The following NEGR1 variants were observed in gnomAD, a reference collection of about 807,000 sequenced individuals.
The protein encoded by NEGR1 is IgLON family member 4.
NEGR1 carries 10 observed loss-of-function variants against 40.9 expected under a neutral mutation model. That is an observed-to-expected ratio of 0.24 (90% CI 0.15 to 0.42). The LOEUF (loss-of-function observed/expected upper bound fraction) is 0.42. NEGR1 is among the 10% of genes least tolerant of loss of function. The probability of loss-of-function intolerance (pLI) is 1.00; values close to 1 mark genes in which losing one functional copy is unlikely to be tolerated. For synonymous variants in NEGR1, 185 were observed against 166.8 expected (o/e 1.11, Z -0.84); for missense variants, 352 against 438.9 (o/e 0.80, Z 1.77).
intron 1 of NEGR1, among the ~76,000 whole-genome samples, chr1:71,957,256 A>G (rs1646126679): frequency 6.6e-6 from 1 of 152,116 alleles, no homozygotes; most frequent in Admixed American, 6.5e-5. Flanking sequence ...TAGTCTACGG[A>G]GCAGAAAACT....
intron 2 of NEGR1, among the ~76,000 whole-genome samples, chr1:71,901,975 T>C (rs1272940210): frequency 6.6e-6 from 1 of 152,006 alleles, no homozygotes; most frequent in Admixed American, 6.6e-5. Flanking sequence ...GGCCAAGATA[T>C]AAACATCTTA....
At chr1:72,203,035 G>A (rs1653271085) in intron 1 of NEGR1, among the ~76,000 whole-genome samples, 1 of 151,992 alleles carries the variant, frequency 6.6e-6, no homozygotes, top group Non-Finnish European at 1.5e-5. Flanking sequence ...GAGTTCTGAT[G>A]GAGATGTACA....
chr1:71,538,799 A>T (rs1342965030), intron 6 of NEGR1, among the ~76,000 whole-genome samples: 1 of 151,756 alleles, frequency 6.6e-6, no homozygotes, highest in Non-Finnish European at 1.5e-5. Context: ...ATTTATAGCT[A>T]ACATCAGAGT....
At chr1:71,695,850 C>G (rs1361321359) in intron 4 of NEGR1, among the ~76,000 whole-genome samples, 1 of 151,804 alleles carries the variant, frequency 6.6e-6, no homozygotes, top group Non-Finnish European at 1.5e-5. Context: ...TAATTTCCCT[C>G]TCTATGGCAA....
chr1:72,019,548 A>G (rs770535710), intron 1 of NEGR1, among the ~76,000 whole-genome samples: 47 of 152,220 alleles, frequency 3.1e-4, no homozygotes, highest in Non-Finnish European at 5.9e-4. Flanking sequence ...AAAGACAGGA[A>G]TGAACCCTTG....
chr1:71,825,839 T>C (rs555724641), intron 2 of NEGR1, among the ~76,000 whole-genome samples: 18 of 152,076 alleles, frequency 1.2e-4, no homozygotes, highest in African/African-American at 4.3e-4. Flanking sequence ...AAGAACTAGC[T>C]AAACAAGTTA....
intron 3 of NEGR1, among the ~76,000 whole-genome samples, chr1:71,728,665 C>G (rs1654755184): frequency 6.6e-6 from 1 of 152,146 alleles, no homozygotes; most frequent in Non-Finnish European, 1.5e-5. Flanking sequence ...CATAAGCTCT[C>G]TGAACTTCAT....
rs751609751 is a variant in NEGR1 at position 71,458,225 on chromosome 1, C to G, written c.941-50655G>C. Among the ~76,000 whole-genome samples, 8 of 152,154 alleles carry G rather than the reference C, an allele frequency of 5.3e-5. No homozygotes were observed. In the East Asian group the frequency reaches 9.6e-4, roughly 18 times the overall value. ...TTCCATTGCTCCATCAAGGTGTAGC[C>G]TAAGACCTGACTCTCAGTAAGTTAT... is the stretch of plus-strand genomic sequence containing the variant. On this transcript the variant is annotated intron_variant, in intron 6 of 6. Transcript: ENST00000357731.
intron 6 of NEGR1, among the ~76,000 whole-genome samples, chr1:71,542,641 A>G (rs1647749042): frequency 6.6e-6 from 1 of 151,746 alleles, no homozygotes; most frequent in Non-Finnish European, 1.5e-5. Context: ...TTCACTCCCA[A>G]TCGAGTGACA....
chr1:72,225,028 C>G (rs1263416747), intron 1 of NEGR1, among the ~76,000 whole-genome samples: 1 of 151,986 alleles, frequency 6.6e-6, no homozygotes, highest in African/African-American at 2.4e-5. Flanking sequence ...CATCTGAACA[C>G]CAAGGGAGAA....
chr1:72,090,667 C>T (rs901422673), intron 1 of NEGR1, among the ~76,000 whole-genome samples: 2 of 152,070 alleles, frequency 1.3e-5, no homozygotes, highest in Non-Finnish European at 1.5e-5. Context: ...AACACATTTG[C>T]TAAGCTTCCC....
chr1:72,234,334 T>C (rs1015189071), intron 1 of NEGR1, among the ~76,000 whole-genome samples: 1 of 152,082 alleles, frequency 6.6e-6, no homozygotes, highest in Admixed American at 6.6e-5. Context: ...TTTATGGCTA[T>C]ATAGTATTCC....
intron 1 of NEGR1, among the ~76,000 whole-genome samples, chr1:72,129,607 A>G (rs1158808998): frequency 2.6e-5 from 4 of 152,194 alleles, no homozygotes; most frequent in Non-Finnish European, 5.9e-5. Context: ...AGACAAACAG[A>G]TAAAAGTAAT....
intron 4 of NEGR1, among the ~76,000 whole-genome samples, chr1:71,622,938 A>G (rs1170778043): frequency 2.0e-5 from 3 of 151,848 alleles, no homozygotes; most frequent in Admixed American, 1.3e-4. Flanking sequence ...TTCTTAGCTT[A>G]CTGAATGGTT....
intron 2 of NEGR1, among the ~76,000 whole-genome samples, chr1:71,778,926 T>C (rs893690492): frequency 2.0e-5 from 3 of 152,208 alleles, no homozygotes; most frequent in Non-Finnish European, 4.4e-5. Flanking sequence ...GAAATAAACT[T>C]AGATTTGACA....
At chr1:71,958,307 C>A (rs549471988) in intron 1 of NEGR1, among the ~76,000 whole-genome samples, 8 of 152,112 alleles carry the variant, frequency 5.3e-5, no homozygotes, top group Non-Finnish European at 1.2e-4. Flanking sequence ...CAGGAGTGAA[C>A]AGATTTCAAA....
Position 72,001,215 on chromosome 1 carries a change from G to A in NEGR1, c.177-65904C>T, listed in dbSNP as rs377303831. Among the ~76,000 whole-genome samples, 5 of 151,598 alleles carry A rather than the reference G, an allele frequency of 3.3e-5. No individual in the cohort carries two copies. In the East Asian group the frequency reaches 7.8e-4, roughly 24 times the overall value. On this transcript the variant is annotated intron_variant, in intron 1 of 6. Coordinates refer to ENST00000357731, the MANE Select transcript of NEGR1 (RefSeq NM_173808.3). ...TGTGAAATGGCAACCATTTTTTCAG[G>A]ACCCCTCTCTGCAGCAGAGAGCTTT...
At chr1:71,504,298 A>G (rs1647018181) in intron 6 of NEGR1, among the ~76,000 whole-genome samples, 1 of 151,960 alleles carries the variant, frequency 6.6e-6, no homozygotes, top group Non-Finnish European at 1.5e-5. Flanking sequence ...CGGTCTTTGC[A>G]AGGAGAGAGG....
chr1:71,707,659 G>A (rs530557178), intron 3 of NEGR1, among the ~76,000 whole-genome samples: 7 of 152,144 alleles, frequency 4.6e-5, no homozygotes, highest in East Asian at 3.9e-4. Context: ...GAACACAGGC[G>A]GTAGCCAGGG....
Sources: gnomAD v4.1 joint callset for allele counts (sites outside exome capture counted in the v4.1 genomes callset) on GRCh38, gnomAD v4.1.1 for gene constraint, MANE v1.5 for transcripts, NCBI Gene and HGNC (gene_info 2026-07-23, HGNC 2026-07-21) for gene names.